The following LRRC45 variants were observed in gnomAD, a reference collection of about 807,000 sequenced individuals.
The protein encoded by LRRC45 is leucine rich repeat containing 45.
In LRRC45, 73 loss-of-function variants were observed where a neutral mutation model predicts 85.4. The ratio of observed to expected loss-of-function variants is 0.85; its 90% CI spans 0.71 to 1.04. The LOEUF is 1.04. LRRC45 is among the 50% of genes least tolerant of loss of function. The pLI is 0.00. For synonymous variants in LRRC45, 429 were observed against 386.0 expected (o/e 1.11, Z -1.31); for missense variants, 937 against 883.3 (o/e 1.06, Z -0.77).
At position 82,023,737 on chromosome 17, in the gene LRRC45, AG is replaced by A; in HGVS notation, c.98del (p.Gly33AlafsTer10). ...CCTGCAGCAGCTGCACCAGCTTCCC[AG>A]GGGCCGGCTGGACCTGGCCACGCAA... is the stretch of plus-strand genomic sequence containing the variant. ...AVLQQLHQLP[R>X]GRLDLATQSL... On this transcript the variant is annotated frameshift_variant, in exon 1 of 17. Transcript: ENST00000306688. LOFTEE classifies it high-confidence loss of function. The A allele has an allele frequency of 1.3e-6, 2 of 1,551,686 alleles. No homozygotes were observed. The highest frequency in any genetic ancestry group is 1.2e-5 in the South Asian group (1 of 84,538).
At chr17:82,026,379 C>T (rs919898171) in intron 5 of LRRC45, among the ~76,000 whole-genome samples, 31 of 152,174 alleles carry the variant, frequency 2.0e-4, no homozygotes, top group African/African-American at 7.2e-4. Flanking sequence ...CACCAGGCGG[C>T]TCTTGCTCAC....
Position 82,024,351 on chromosome 17 carries a change from G to A in LRRC45, c.282+12G>A, listed in dbSNP as rs368332146. 5.0e-6 allele frequency: 8 copies of A among 1,611,996 alleles called. No homozygotes were observed. Among genetic ancestry groups the A allele is most frequent in the Non-Finnish European group, 6.8e-6 (8 of 1,179,858 alleles). On this transcript the variant is annotated intron_variant, in intron 2 of 16. Coordinates refer to ENST00000306688, the MANE Select transcript of LRRC45 (RefSeq NM_144999.4). ...TTCTGGACTTAAAGGTGAGATACCT[G>A]CACTCTTGAGTGTCCGAGTGTGCCA...
At chr17:82,029,676 T>A (rs1393600732) in intron 14 of LRRC45, 41 bp downstream of exon 14, 2 of 1,528,338 alleles carry the variant, frequency 1.3e-6, no homozygotes, top group Non-Finnish European at 1.8e-6. Flanking sequence ...GGAGCCAGGC[T>A]GCCCGGCATT....
intron 14 of LRRC45, 74 bp downstream of exon 14, chr17:82,029,709 A>G (rs1393454683): frequency 7.0e-7 from 1 of 1,419,108 alleles, no homozygotes; most frequent in African/African-American, 1.4e-5. Flanking sequence ...CAGACTCCAG[A>G]GCTTCGGTCT....
chr17:82,029,007 C>A, intron 12 of LRRC45, 86 bp from the exon 13 acceptor site: 1 of 1,250,286 alleles, frequency 8.0e-7, no homozygotes, highest in Non-Finnish European at 1.1e-6. Context: ...TCAAGAGACA[C>A]CTGCCTTTCA....
intron 2 of LRRC45, 112 bp downstream of exon 2, chr17:82,024,451 C>T: frequency 7.8e-7 from 1 of 1,281,256 alleles, no homozygotes; most frequent in Non-Finnish European, 1.1e-6. Flanking sequence ...TGGAAGCTGT[C>T]TGTGAGTCCC....
At chr17:82,028,582 C>T in intron 11 of LRRC45, 31 bp from the exon 12 acceptor site, 1 of 1,612,478 alleles carries the variant, frequency 6.2e-7, no homozygotes, top group African/African-American at 1.3e-5. Flanking sequence ...AGGGGATGCT[C>T]ACGCATACTC....
chr17:82,028,148 TGGGTGGGCAGGGCTTGAGAG>T lies in LRRC45; in HGVS notation c.1047+11_1047+30del. The T allele has an allele frequency of 6.4e-7, 1 of 1,562,740 alleles. No homozygotes were observed. Among genetic ancestry groups the T allele is most frequent in the Non-Finnish European group, 8.7e-7 (1 of 1,154,620 alleles). ...AAGGAGCTCAAGCTGGAGCAGCAGG[TGGGTGGGCAGGGCTTGAGAG>T]GGGTGGGCCAAGGGGTGCGTGGCGG... On this transcript the variant is annotated splice_donor_5th_base_variant and intron_variant, in intron 9 of 16. Transcript: ENST00000306688.
rs775792915 is a variant in LRRC45, at chr17:82,030,808, C to G, written c.*3C>G. The stretch of plus-strand genomic sequence containing the variant: ...GGACCCTGAGCCCCCCAAAGTGAGA[C>G]AGGCCGGGAGGACCCGGGCGCAGTA... On this transcript the variant is annotated 3_prime_UTR_variant, in exon 17 of 17. Transcript: ENST00000306688. 11 of 1,349,062 alleles carry G rather than the reference C, an allele frequency of 8.2e-6. No homozygotes were observed. The highest frequency in any genetic ancestry group is 1.1e-5 in the Non-Finnish European group (11 of 1,036,170). The allele number at this position is 1,349,062 out of a possible 1,614,324, so 83.6% of individuals were successfully genotyped here.
intron 5 of LRRC45, among the ~76,000 whole-genome samples, chr17:82,026,566 G>C (rs892247717): frequency 5.3e-5 from 7 of 131,838 alleles, no homozygotes; most frequent in African/African-American, 2.2e-4. Flanking sequence ...CAGCTCCTTT[G>C]TGTGTGTGTG....
intron 3 of LRRC45, 67 bp downstream of exon 3, chr17:82,024,830 T>G: frequency 1.3e-6 from 2 of 1,506,386 alleles, no homozygotes; most frequent in Non-Finnish European, 1.8e-6. Context: ...AGCACATGCT[T>G]CTGCAGCCCA....
rs1198915154 is a variant in LRRC45 at position 82,029,618 on chromosome 17, C to G, written c.1477C>G (p.Gln493Glu). ...GGAGGAGCTGATCAAGGCCAAGAGC[C>G]AGGCCCGCCTGGAGGAGGTGAGCCA... Reference protein sequence around the residue: ...AEEELIKAKSQARLEEQQRLA... With the variant: ...AEEELIKAKSEARLEEQQRLA... Residue 493 changes from glutamine to glutamate, a missense_variant, in exon 14 of 17, where the codon CAG becomes GAG. Gln to Glu is a conservative substitution (Grantham distance 29). Coordinates refer to ENST00000306688, the MANE Select transcript of LRRC45 (RefSeq NM_144999.4). 10 of 1,574,424 alleles carry G rather than the reference C, an allele frequency of 6.4e-6. No homozygotes were observed. Among genetic ancestry groups the G allele is most frequent in the Non-Finnish European group, 8.6e-6 (10 of 1,161,582 alleles).
At position 82,028,163 on chromosome 17, in the gene LRRC45, T is replaced by C. The variant is rs908727349; in HGVS notation, c.1047+17T>C. 4 of 1,561,070 alleles carry C rather than the reference T, an allele frequency of 2.6e-6. No individual in the cohort carries two copies. In the Admixed American group the frequency reaches 5.8e-5, roughly 23 times the overall value. On this transcript the variant is annotated intron_variant, in intron 9 of 16. Transcript: ENST00000306688. ...GAGCAGCAGGTGGGTGGGCAGGGCT[T>C]GAGAGGGGTGGGCCAAGGGGTGCGT...
At chr17:82,025,275 C>T (rs748810591) in intron 4 of LRRC45, 97 bp downstream of exon 4, 87 of 1,524,774 alleles carry the variant, frequency 5.7e-5, no homozygotes, top group Non-Finnish European at 7.4e-5. Flanking sequence ...TGCTCCTGCT[C>T]TGTTGATGAC....
intron 6 of LRRC45, 22 bp from the exon 7 acceptor site, chr17:82,027,364 C>G (rs1265780979): frequency 1.2e-6 from 2 of 1,612,382 alleles, no homozygotes; most frequent in East Asian, 4.5e-5. Context: ...CCTGACAGGG[C>G]TGCGGCTGTC....
intron 5 of LRRC45, 29 bp from the exon 6 acceptor site, chr17:82,026,870 G>C (rs1412321071): frequency 1.1e-5 from 17 of 1,567,028 alleles, no homozygotes; most frequent in Non-Finnish European, 1.3e-5. Flanking sequence ...ATGAGCCCCT[G>C]TGCCCAGCTG....
Position 82,024,057 on chromosome 17 carries a change from G to A in LRRC45, c.220+194G>A, listed in dbSNP as rs1271054483. The A allele has an allele frequency of 2.3e-5, 16 of 703,840 alleles. 1 individual carries two copies. The highest frequency in any genetic ancestry group is 3.5e-5 in the Non-Finnish European group (15 of 431,422). 43.6% of individuals were successfully genotyped at this position (703,840 alleles called of 1,614,324 possible). The stretch of plus-strand genomic sequence containing the variant: ...ACGGGGGAGAGGCCTTAACATTCGC[G>A]GTCTTACCTGGTTCCCCGCGTGCAG... On this transcript the variant is annotated intron_variant, in intron 1 of 16. Coordinates refer to ENST00000306688, the MANE Select transcript of LRRC45 (RefSeq NM_144999.4).
In LRRC45 at chr17:82,030,720, A is replaced by C. The variant is rs2043412388; in HGVS notation, c.1928A>C (p.Glu643Ala). The C allele has an allele frequency of 6.7e-7, 1 of 1,498,510 alleles. No individual in the cohort carries two copies. The highest frequency in any genetic ancestry group is 1.4e-5 in the African/African-American group (1 of 70,490). 92.8% of individuals were successfully genotyped at this position (1,498,510 alleles called of 1,614,324 possible). Residue 643 changes from glutamate (E) to alanine (A), a missense_variant, in exon 17 of 17, where the codon GAG becomes GCG. Physicochemically the swap from Glu to Ala is moderately radical, Grantham distance 107 (BLOSUM62 -1). Coordinates refer to ENST00000306688, the MANE Select transcript of LRRC45 (RefSeq NM_144999.4). ...EAEIARIRDE[E>A]AQRASFLQNA... The stretch of plus-strand genomic sequence containing the variant: ...GAGATCGCCCGCATCCGGGACGAGG[A>C]GGCCCAGAGGGCGAGCTTCCTGCAG...
Position 82,025,079 on chromosome 17 carries a change from G to C in LRRC45, c.433G>C (p.Ala145Pro), listed in dbSNP as rs761030181. The C allele has an allele frequency of 9.3e-6, 15 of 1,610,000 alleles. No homozygotes were observed. The highest frequency in any genetic ancestry group is 1.3e-5 in the Non-Finnish European group (15 of 1,178,782). Reference sequence around the variant, plus strand: ...CTGCGGGGGCCTGGCGGCCAACGGCGCCCTGCAGCGGCTGGACCTCCGCAA... The same window carrying C: ...CTGCGGGGGCCTGGCGGCCAACGGCCCCCTGCAGCGGCTGGACCTCCGCAA... ...TFCGGLAANG[A>P]LQRLDLRNNQ... The change falls in exon 4 of 17, where the codon GCC becomes CCC. Residue 145 changes from alanine (A) to proline (P), a missense_variant. Transcript: ENST00000306688.
Sources: allele counts gnomAD v4.1 joint callset (sites outside exome capture counted in the v4.1 genomes callset), GRCh38; gene constraint gnomAD v4.1.1; transcripts MANE v1.5; gene names NCBI Gene and HGNC (gene_info 2026-07-23, HGNC 2026-07-21).